The following SYT16 variants were observed in gnomAD, a reference collection of about 807,000 sequenced individuals.
SYT16 encodes the protein synaptotagmin-16.
In SYT16, 42 loss-of-function variants were observed where a neutral mutation model predicts 61.4. The observed-to-expected ratio is 0.68, with a 90% confidence interval of 0.53 to 0.89. SYT16 has a LOEUF of 0.89. Ranked by LOEUF, SYT16 falls within the 40% of genes least tolerant of loss-of-function variation. SYT16 has a pLI of 0.00. For synonymous variants in SYT16, 314 were observed against 302.3 expected (o/e 1.04, Z -0.40); for missense variants, 804 against 807.3 (o/e 1.00, Z 0.05).
At chr14:61,835,632 A>G (rs1217944708) in intron 1 of SYT16, among the ~76,000 whole-genome samples, 3 of 152,058 alleles carry the variant, frequency 2.0e-5, no homozygotes, top group Non-Finnish European at 2.9e-5. Flanking sequence ...TAAAAGATCA[A>G]AAAATACTGC....
At chr14:61,815,801 C>T (rs2045409549) in intron 1 of SYT16, among the ~76,000 whole-genome samples, 1 of 152,116 alleles carries the variant, frequency 6.6e-6, no homozygotes, top group Admixed American at 6.5e-5. Flanking sequence ...GACAAGTATT[C>T]CAGATAATAT....
intron 1 of SYT16, among the ~76,000 whole-genome samples, chr14:61,876,892 G>A (rs368674652): frequency 1.3e-5 from 2 of 152,342 alleles, no homozygotes; most frequent in South Asian, 2.1e-4. Flanking sequence ...CTTAGGAACA[G>A]AAATATCTTG....
intron 2 of SYT16, among the ~76,000 whole-genome samples, chr14:61,974,796 C>A (rs1052600194): frequency 8.5e-5 from 13 of 152,334 alleles, no homozygotes; most frequent in African/African-American, 3.1e-4. Context: ...AGTAAGGAAA[C>A]AGGTTTTGTA....
At chr14:62,060,706 T>C (rs915552540) in intron 3 of SYT16, among the ~76,000 whole-genome samples, 4 of 151,992 alleles carry the variant, frequency 2.6e-5, no homozygotes, top group Non-Finnish European at 5.9e-5. Flanking sequence ...AAATACATTA[T>C]TGGATTTCTT....
chr14:61,984,454 A>G (rs28485224), intron 2 of SYT16, among the ~76,000 whole-genome samples: 7,065 of 152,242 alleles, frequency 0.046, 553 homozygotes, highest in African/African-American at 0.16. Flanking sequence ...TTTCCTTTCC[A>G]TTAGCTGCTC....
intron 3 of SYT16, among the ~76,000 whole-genome samples, chr14:62,011,942 T>TATATATATATATATATATATATATA (rs1555370094): frequency 1.1e-4 from 16 of 144,668 alleles, no homozygotes; most frequent in African/African-American, 3.7e-4. Flanking sequence ...TATATATATA[T>TATATATATATATATATATATATATA]TTGATGCTGT....
chr14:61,880,244 G>T (rs983555717), intron 1 of SYT16, among the ~76,000 whole-genome samples: 2 of 152,188 alleles, frequency 1.3e-5, no homozygotes, highest in Non-Finnish European at 2.9e-5. Context: ...CTCAGTTTGT[G>T]TGACAAATTA....
At chr14:61,860,407 T>G (rs888299673) in intron 1 of SYT16, among the ~76,000 whole-genome samples, 1 of 152,188 alleles carries the variant, frequency 6.6e-6, no homozygotes, top group Non-Finnish European at 1.5e-5. Context: ...GGAAGCAAGA[T>G]GATCAACTCA....
At position 61,851,654 on chromosome 14, in the gene SYT16, A is replaced by C. The variant is rs139282163; in HGVS notation, c.-325+38844A>C. On this transcript the variant is annotated intron_variant, in intron 1 of 7. Coordinates refer to ENST00000683842, the MANE Select transcript of SYT16 (RefSeq NM_001367656.1). ...TGTGGTTTTGATTTGCATTTCTCTA[A>C]TAATCAGTGATGTTGAGCTTTGTTT... Among the ~76,000 whole-genome samples, 920 of 152,290 alleles carry C rather than the reference A, an allele frequency of 6.0e-3. 7 individuals are homozygous for C. The highest frequency in any genetic ancestry group is 0.037 in the Middle Eastern group (11 of 294).
intron 1 of SYT16, among the ~76,000 whole-genome samples, chr14:61,957,200 T>A (rs2050912576): frequency 6.9e-6 from 1 of 144,364 alleles, no homozygotes; most frequent in African/African-American, 2.5e-5. Context: ...AACAGTTTTT[T>A]ATTATTTTTT....
At chr14:61,842,712 G>T (rs2046332634) in intron 1 of SYT16, among the ~76,000 whole-genome samples, 1 of 151,732 alleles carries the variant, frequency 6.6e-6, no homozygotes, top group Admixed American at 6.6e-5. Context: ...ACTCATAGGT[G>T]GGAATTGAAC....
At chr14:62,086,534 T>C (rs1013940707) in intron 7 of SYT16, among the ~76,000 whole-genome samples, 2 of 152,150 alleles carry the variant, frequency 1.3e-5, no homozygotes, top group African/African-American at 2.4e-5. Flanking sequence ...GTTATGAAAC[T>C]GTTCAGAATC....
chr14:62,024,018 C>T (rs146416113), intron 3 of SYT16, among the ~76,000 whole-genome samples: 2 of 152,056 alleles, frequency 1.3e-5, no homozygotes, highest in Non-Finnish European at 2.9e-5. Flanking sequence ...TTAAAATATG[C>T]CTTTCCACTT....
chr14:62,069,715 A>T lies in SYT16; in HGVS notation c.636A>T (p.Thr212=). 1 of 1,614,028 alleles carries T rather than the reference A, an allele frequency of 6.2e-7. No homozygotes were observed. Among genetic ancestry groups the T allele is most frequent in the Non-Finnish European group, 8.5e-7 (1 of 1,179,884 alleles). ...VSRSQSFRSV[T]SEKGKQTGLE... is the part of the protein sequence containing the mutation. The stretch of plus-strand genomic sequence containing the variant: ...GGTCCCAGAGTTTCCGTTCAGTGAC[A>T]TCTGAGAAAGGAAAGCAGACAGGAT... Residue 212 remains threonine (T), a synonymous_variant, in exon 4 of 8, where the codon ACA becomes ACT. Transcript: ENST00000683842.
At chr14:62,014,538 A>G (rs888795614) in intron 3 of SYT16, among the ~76,000 whole-genome samples, 2 of 151,884 alleles carry the variant, frequency 1.3e-5, no homozygotes, top group Middle Eastern at 3.4e-3. Context: ...GGTTCAAGCA[A>G]TTCTTCTGCC....
chr14:62,051,844 C>G (rs563719328), intron 3 of SYT16, among the ~76,000 whole-genome samples: 2 of 152,160 alleles, frequency 1.3e-5, no homozygotes, highest in East Asian at 3.9e-4. Context: ...TCAGCCTGGG[C>G]AACCTGGTGA....
intron 3 of SYT16, among the ~76,000 whole-genome samples, chr14:61,997,992 A>G (rs1297796233): frequency 1.3e-5 from 2 of 151,958 alleles, no homozygotes; most frequent in African/African-American, 2.4e-5. Flanking sequence ...GTTGGGTAGG[A>G]GATCAAATAA....
chr14:62,032,857 G>A (rs1037299449), intron 3 of SYT16, among the ~76,000 whole-genome samples: 1 of 151,806 alleles, frequency 6.6e-6, no homozygotes, highest in African/African-American at 2.4e-5. Context: ...GCTAATGAAA[G>A]TGTCACTACA....
chr14:61,856,759 G>A (rs1354620277), intron 1 of SYT16, among the ~76,000 whole-genome samples: 1 of 152,166 alleles, frequency 6.6e-6, no homozygotes, highest in Non-Finnish European at 1.5e-5. Context: ...GGAGTCATCA[G>A]CATTTGGGAG....
Sources: gnomAD v4.1 joint callset for allele counts (sites outside exome capture counted in the v4.1 genomes callset) on GRCh38, gnomAD v4.1.1 for gene constraint, MANE v1.5 for transcripts, NCBI Gene and HGNC (gene_info 2026-07-23, HGNC 2026-07-21) for gene names.